Variants in FOCAD observed in about 807,000 individuals in gnomAD.
FOCAD encodes the protein KIAA1797.
In FOCAD, 198 loss-of-function variants were observed where a neutral mutation model predicts 225.6. The observed-to-expected ratio is 0.88, with a 90% CI of 0.78 to 0.99. The LOEUF (loss-of-function observed/expected upper bound fraction) is 0.99. Ranked by LOEUF, FOCAD falls within the 50% of genes least tolerant of loss-of-function variation. The pLI is 0.00. For missense variants in FOCAD, 2,713 were observed against 2,123.6 expected (o/e 1.28, Z -5.46); for synonymous variants, 897 against 755.0 (o/e 1.19, Z -3.08).
At chr9:20,848,886 A>C (rs1429354337) in intron 15 of FOCAD, among the ~76,000 whole-genome samples, 1 of 151,882 alleles carries the variant, frequency 6.6e-6, no homozygotes, top group Non-Finnish European at 1.5e-5. Context: ...TTATTTTAAT[A>C]AATCACACTG....
At chr9:20,898,244 C>T (rs1402873656) in intron 21 of FOCAD, among the ~76,000 whole-genome samples, 2 of 151,620 alleles carry the variant, frequency 1.3e-5, no homozygotes, top group Admixed American at 6.6e-5. Context: ...CTGGTGTTGT[C>T]TGAGCCTCCT....
chr9:20,832,955 A>G (rs906048380), intron 15 of FOCAD, among the ~76,000 whole-genome samples: 1 of 152,132 alleles, frequency 6.6e-6, no homozygotes, highest in Admixed American at 6.6e-5. Flanking sequence ...TTTATGAGGT[A>G]GTGACTAATA....
At chr9:20,745,712 C>T (rs1021259386) in intron 5 of FOCAD, among the ~76,000 whole-genome samples, 3 of 152,156 alleles carry the variant, frequency 2.0e-5, no homozygotes, top group Admixed American at 6.6e-5. Context: ...ATGTGCCAGA[C>T]AGTGGCTGAC....
intron 18 of FOCAD, among the ~76,000 whole-genome samples, chr9:20,869,770 C>T (rs191734456): frequency 1.9e-3 from 287 of 152,120 alleles, no homozygotes; most frequent in African/African-American, 6.2e-3. Context: ...GTGCTAGGTC[C>T]GATCTGAAGA....
At chr9:20,920,622 A>G (rs1834323567) in intron 24 of FOCAD, among the ~76,000 whole-genome samples, 1 of 148,134 alleles carries the variant, frequency 6.8e-6, no homozygotes, top group African/African-American at 2.5e-5. Flanking sequence ...ACCATGGAAT[A>G]CTATGCAGCC....
intron 6 of FOCAD, among the ~76,000 whole-genome samples, chr9:20,762,663 T>C (rs1384652073): frequency 6.6e-6 from 1 of 152,228 alleles, no homozygotes; most frequent in Non-Finnish European, 1.5e-5. Context: ...TATTTTATTA[T>C]AATTAAAAAG....
intron 28 of FOCAD, among the ~76,000 whole-genome samples, chr9:20,936,116 T>C (rs547211446): frequency 5.3e-5 from 8 of 152,354 alleles, no homozygotes; most frequent in Admixed American, 3.3e-4. Flanking sequence ...CGTAGTTTTT[T>C]AGACTTCCAT....
Position 20,862,654 on chromosome 9 carries a change from C to A in FOCAD, c.1997C>A (p.Thr666Lys). 6.2e-7 allele frequency: 1 copy of A among 1,613,532 alleles called. No individual in the cohort carries two copies. The highest frequency in any genetic ancestry group is 8.5e-7 in the Non-Finnish European group (1 of 1,179,610). The change falls in exon 16 of 44, where the codon ACA becomes AAA. Residue 666 changes from threonine (T) to lysine (K), a missense_variant. Coordinates refer to ENST00000338382, the MANE Select transcript of FOCAD (RefSeq NM_001375567.1). Reference sequence around the variant, plus strand: ...GACACAAGACCTCTCATTCTGAAGACACTGAGTGAACTATTTTCTCTAGTT... The same window carrying A: ...GACACAAGACCTCTCATTCTGAAGAAACTGAGTGAACTATTTTCTCTAGTT... ...SCDTRPLILKTLSELFSLVPS... is the reference protein window; with the variant it reads ...SCDTRPLILKKLSELFSLVPS...
Position 20,990,303 on chromosome 9 carries a change from G to T in FOCAD, c.5185G>T (p.Val1729Phe). The change falls in exon 42 of 44, where the codon GTT (valine) becomes TTT (phenylalanine). Residue 1729 changes from valine (V) to phenylalanine (F), a missense_variant. Physicochemically the swap from Val to Phe is conservative, Grantham distance 50. Coordinates refer to ENST00000338382, the MANE Select transcript of FOCAD (RefSeq NM_001375567.1). ...SPMHRVTLQEVLTLLPNSMAL... is the reference protein window; with the variant it reads ...SPMHRVTLQEFLTLLPNSMAL... ...AATGCACAGGGTCACTCTGCAGGAGGTTCTCACTCTCCTTCCCAATAGCAT... is the reference window on the plus strand; with the variant it reads ...AATGCACAGGGTCACTCTGCAGGAGTTTCTCACTCTCCTTCCCAATAGCAT... The T allele has an allele frequency of 1.2e-6, 2 of 1,614,024 alleles. No homozygotes were observed. The highest frequency in any genetic ancestry group is 1.7e-6 in the Non-Finnish European group (2 of 1,179,928).
intron 1 of FOCAD, among the ~76,000 whole-genome samples, chr9:20,695,992 CA>C (rs1362018834): frequency 2.0e-5 from 3 of 152,188 alleles, no homozygotes; most frequent in African/African-American, 7.2e-5. Context: ...CTGATATGGA[CA>C]AAAGTAAATT....
At chr9:20,920,667 C>T (rs1260978819) in intron 24 of FOCAD, among the ~76,000 whole-genome samples, 2 of 151,216 alleles carry the variant, frequency 1.3e-5, no homozygotes, top group Non-Finnish European at 2.9e-5. Context: ...TTTGTAGGGA[C>T]ATGGATGAAA....
intron 15 of FOCAD, among the ~76,000 whole-genome samples, chr9:20,844,117 A>C (rs1243371820): frequency 6.6e-6 from 1 of 152,138 alleles, no homozygotes; most frequent in Non-Finnish European, 1.5e-5. Flanking sequence ...GCAACTATGT[A>C]AACTATACAC....
chr9:20,762,542 A>T (rs1829697512), intron 6 of FOCAD, among the ~76,000 whole-genome samples: 1 of 152,266 alleles, frequency 6.6e-6, no homozygotes, highest in Admixed American at 6.5e-5. Context: ...ATGAATGAAT[A>T]AAATTTAATT....
chr9:20,790,781 AAAAC>A (rs1012874367), intron 11 of FOCAD, among the ~76,000 whole-genome samples: 17 of 152,122 alleles, frequency 1.1e-4, no homozygotes, highest in African/African-American at 3.6e-4. Context: ...CAAAAACAAA[AAAAC>A]AAAACAGATA....
intron 21 of FOCAD, among the ~76,000 whole-genome samples, chr9:20,898,874 G>A (rs929605573): frequency 2.0e-5 from 3 of 151,982 alleles, no homozygotes; most frequent in Non-Finnish European, 4.4e-5. Flanking sequence ...TGGGGGAGTA[G>A]AGTCATTCCA....
chr9:20,679,847 T>C (rs564164871), upstream of FOCAD, among the ~76,000 whole-genome samples: 1 of 152,244 alleles, frequency 6.6e-6, no homozygotes, highest in South Asian at 2.1e-4. Context: ...GCGTCTGAGC[T>C]GGGCCTTCTG....
chr9:20,899,216 G>GT (rs903093024), intron 21 of FOCAD, among the ~76,000 whole-genome samples: 3 of 151,916 alleles, frequency 2.0e-5, no homozygotes, highest in African/African-American at 4.8e-5. Flanking sequence ...CACAAGGTGA[G>GT]TTTTTTCTGA....
At position 20,816,373 on chromosome 9, in the gene FOCAD, A is replaced by G. The variant is rs115729696; in HGVS notation, c.1456-3423A>G. Among the ~76,000 whole-genome samples the G allele has an allele frequency of 2.7e-3, 414 of 152,110 alleles. 1 individual carries two copies. Among genetic ancestry groups the G allele is most frequent in the African/African-American group, 9.4e-3 (392 of 41,580 alleles). On this transcript the variant is annotated intron_variant, in intron 11 of 43. Coordinates refer to ENST00000338382, the MANE Select transcript of FOCAD (RefSeq NM_001375567.1). Reference sequence around the variant, plus strand: ...AATTTAAGATAACCTTCTGTTTTTAATTAAAATGGGAACTGAAAAGTCAGT... The same window carrying G: ...AATTTAAGATAACCTTCTGTTTTTAGTTAAAATGGGAACTGAAAAGTCAGT...
chr9:20,889,770 A>G (rs537665925), intron 21 of FOCAD, among the ~76,000 whole-genome samples: 14 of 152,328 alleles, frequency 9.2e-5, no homozygotes, highest in South Asian at 2.1e-4. Context: ...TTAAGAAACC[A>G]CAAAAAAGTT....
Sources: gnomAD v4.1 joint callset for allele counts (sites outside exome capture counted in the v4.1 genomes callset) on GRCh38, gnomAD v4.1.1 for gene constraint, MANE v1.5 for transcripts, NCBI Gene and HGNC (gene_info 2026-07-23, HGNC 2026-07-21) for gene names.